Variants in PTGS1 observed in about 807,000 individuals in gnomAD.
PTGS1 encodes the protein prostaglandin G/H synthase 1.
Under a neutral mutation model 63.0 loss-of-function variants are expected in PTGS1, and 40 were observed. The ratio of observed to expected loss-of-function variants is 0.63; its 90% CI spans 0.49 to 0.83. PTGS1 has a LOEUF of 0.83. PTGS1 is among the 40% of genes least tolerant of loss of function. The pLI is 0.00. For missense variants in PTGS1, 709 were observed against 786.5 expected, an observed-to-expected ratio of 0.90 and a Z score of 1.18; for synonymous variants, 298 against 301.9, an observed-to-expected ratio of 0.99 and a Z score of 0.13.
intron 5 of PTGS1, 86 bp from the exon 6 acceptor site, chr9:122,381,285 G>A (rs765560604): frequency 1.9e-5 from 27 of 1,443,784 alleles, no homozygotes; most frequent in Non-Finnish European, 2.2e-5. Context: ...TCCTGCTTGG[G>A]CCAGTTTGCC....
chr9:122,387,998 T>C (rs113403088), intron 9 of PTGS1, among the ~76,000 whole-genome samples: 148 of 152,390 alleles, frequency 9.7e-4, no homozygotes, highest in African/African-American at 3.4e-3. Flanking sequence ...GGGCAGCTGC[T>C]GGCTGCTTTA....
In PTGS1 at chr9:122,381,256, G is replaced by A. The variant is rs1027158897; in HGVS notation, c.497-115G>A. The A allele has an allele frequency of 3.7e-6, 4 of 1,084,148 alleles. No individual in the cohort carries two copies. The African/African-American group carries it at 6.4e-5, about 17-fold the overall frequency. 67.2% of individuals were successfully genotyped at this position (1,084,148 alleles called of 1,614,324 possible). On this transcript the variant is annotated intron_variant, in intron 5 of 10. Coordinates refer to ENST00000362012, the MANE Select transcript of PTGS1 (RefSeq NM_000962.4). ...TTGGTGGTGGTGGGGAGGTGGTCCT[G>A]AGGAGGCCACTCTGGGCTTCCTGCT...
intron 10 of PTGS1, among the ~76,000 whole-genome samples, chr9:122,391,457 A>C (rs1554722140): frequency 3.6e-5 from 5 of 138,410 alleles, no homozygotes; most frequent in Admixed American, 7.8e-5. Context: ...TTCCCCCAAT[A>C]TCCTCAGATG....
chr9:122,381,711 A>C lies in PTGS1; in HGVS notation c.726A>C (p.Gln242His). ...GAGACAATCTGGAGCGTCAGTATCA[A>C]CTGCGGCTCTTTAAGGATGGGAAAC... The part of the protein sequence containing the change: ...IYGDNLERQY[Q>H]LRLFKDGKLK... Residue 242 changes from glutamine (Q) to histidine (H), a missense_variant, in exon 7 of 11, where the codon CAA (glutamine) becomes CAC (histidine). By Grantham distance (24) the Gln-to-His change is conservative. Coordinates refer to ENST00000362012, the MANE Select transcript of PTGS1 (RefSeq NM_000962.4). 1 of 1,614,190 alleles carries C rather than the reference A, an allele frequency of 6.2e-7. No homozygotes were observed. Among genetic ancestry groups the C allele is most frequent in the Non-Finnish European group, 8.5e-7 (1 of 1,180,036 alleles).
At chr9:122,371,448 G>A (rs1836804814) in intron 2 of PTGS1, among the ~76,000 whole-genome samples, 176 bp downstream of exon 2, 1 of 152,258 alleles carries the variant, frequency 6.6e-6, no homozygotes, top group Non-Finnish European at 1.5e-5. Flanking sequence ...CCCCGGCGGT[G>A]TGGCCTTGGC....
Position 122,375,357 on chromosome 9 carries a change from T to C in PTGS1, c.95-2542T>C, listed in dbSNP as rs1316954039. 5 of 985,410 alleles carry C rather than the reference T, an allele frequency of 5.1e-6. No individual in the cohort carries two copies. In the African/African-American group the frequency reaches 8.7e-5, roughly 17 times the overall value. The allele number at this position is 985,410 out of a possible 1,614,324, so 61.0% of individuals were successfully genotyped here. A position where few individuals can be genotyped will look rare whatever the true frequency, so the allele number is the denominator to read the frequency against. On this transcript the variant is annotated intron_variant, in intron 2 of 10. Coordinates refer to ENST00000362012, the MANE Select transcript of PTGS1 (RefSeq NM_000962.4). The stretch of plus-strand genomic sequence containing the variant: ...TCTTCTGCCTGCCGAGGCAGAGCTC[T>C]AGGGCCATGGCGGGAGGCCTTCCGG...
In PTGS1 at chr9:122,383,511, G is replaced by A. The variant is rs200917438; in HGVS notation, c.765G>A (p.Val255=). 1.4e-5 allele frequency: 23 copies of A among 1,604,734 alleles called. No individual in the cohort carries two copies. The African/African-American group carries it at 3.1e-4, about 21-fold the overall frequency. Residue 255 remains valine (V), a splice_region_variant and synonymous_variant, in exon 8 of 11, where the codon GTG becomes GTA. Coordinates refer to ENST00000362012, the MANE Select transcript of PTGS1 (RefSeq NM_000962.4). ...LFKDGKLKYQ[V]LDGEMYPPSV... ...TGCCAGGTGGCCCCATCCCACAGGT[G>A]CTGGATGGAGAAATGTACCCGCCCT...
rs547071367 is a variant in PTGS1 at position 122,393,899 on chromosome 9, C to T, written c.*1355C>T. 1 of 152,288 alleles carries T rather than the reference C, an allele frequency of 6.6e-6. No individual in the cohort carries two copies. Among genetic ancestry groups the T allele is most frequent in the Admixed American group, 6.5e-5 (1 of 15,298 alleles). 9.4% of individuals were successfully genotyped at this position (152,288 alleles called of 1,614,324 possible). ...TGATATTCAGGCTACTCATTCAGTC[C>T]CAAATATGTATTTTCCTAAGTGTTT... On this transcript the variant is annotated 3_prime_UTR_variant, in exon 11 of 11. Coordinates refer to ENST00000362012, the MANE Select transcript of PTGS1 (RefSeq NM_000962.4).
In PTGS1 at chr9:122,394,766, A is replaced by G. The variant is rs1171397383; in HGVS notation, c.*2222A>G. The G allele has an allele frequency of 6.6e-6, 1 of 152,024 alleles. No homozygotes were observed. The highest frequency in any genetic ancestry group is 2.4e-5 in the African/African-American group (1 of 41,358). The allele number at this position is 152,024 out of a possible 1,614,324, so 9.4% of individuals were successfully genotyped here. ...ACTCATCCCCACAGCTGGCTCTGAC[A>G]AGATGGTCCATTTGTTCCTGCTTCC... On this transcript the variant is annotated 3_prime_UTR_variant, in exon 11 of 11. Coordinates refer to ENST00000362012, the MANE Select transcript of PTGS1 (RefSeq NM_000962.4).
chr9:122,386,837 T>C, intron 9 of PTGS1, 105 bp downstream of exon 9: 1 of 1,346,796 alleles, frequency 7.4e-7, no homozygotes, highest in Non-Finnish European at 1.0e-6. Flanking sequence ...TGATGTCACT[T>C]CTACAGGGCA....
rs1838359871 is a variant in PTGS1, at chr9:122,392,594, C to T, written c.*50C>T. 1.9e-6 allele frequency: 3 copies of T among 1,546,612 alleles called. No individual in the cohort carries two copies. The highest frequency in any genetic ancestry group is 2.6e-6 in the Non-Finnish European group (3 of 1,132,452). The stretch of plus-strand genomic sequence containing the variant: ...GGGGAGAGCTTTGTGCTTGTCATTC[C>T]AGAGTGCTGAGGCCAGGGCTGATGG... On this transcript the variant is annotated 3_prime_UTR_variant, in exon 11 of 11. Coordinates refer to ENST00000362012, the MANE Select transcript of PTGS1 (RefSeq NM_000962.4).
rs777417388 is a variant in PTGS1, at chr9:122,390,356, G to C, written c.1444+11G>C. On this transcript the variant is annotated intron_variant, in intron 10 of 10. Transcript: ENST00000362012. Reference sequence around the variant, plus strand: ...TCCAGGAGCTCGTAGGTGAGCAGCTGTTTCCTGGATGCAGTCCCTGCCCTT... The same window carrying C: ...TCCAGGAGCTCGTAGGTGAGCAGCTCTTTCCTGGATGCAGTCCCTGCCCTT... The C allele has an allele frequency of 9.3e-6, 15 of 1,613,518 alleles. No homozygotes were observed. The East Asian group carries it at 3.3e-4, about 36-fold the overall frequency.
intron 2 of PTGS1, 39 bp from the exon 3 acceptor site, chr9:122,377,860 A>C: frequency 6.3e-7 from 1 of 1,580,010 alleles, no homozygotes; most frequent in Non-Finnish European, 8.7e-7. Context: ...TCAGGAGGCC[A>C]CCCTAGCATG....
rs374665506 is a variant in PTGS1, at chr9:122,392,367, G to A, written c.1623G>A (p.Pro541=). ...KGLLGNPICS[P]EYWKPSTFGG... ...TCCTAGGGAATCCCATCTGTTCTCC[G>A]GAGTACTGGAAGCCGAGCACATTTG... The change falls in exon 11 of 11, where the codon CCG becomes CCA. Residue 541 remains proline (P), a synonymous_variant. Transcript: ENST00000362012. 1.5e-5 allele frequency: 24 copies of A among 1,614,022 alleles called. No homozygotes were observed. Among genetic ancestry groups the A allele is most frequent in the African/African-American group, 4.0e-5 (3 of 74,908 alleles).
chr9:122,377,440 C>T (rs571973656), intron 2 of PTGS1, among the ~76,000 whole-genome samples: 28 of 152,206 alleles, frequency 1.8e-4, no homozygotes, highest in African/African-American at 3.4e-4. Flanking sequence ...GAGAAGTCCC[C>T]GTCCTCGTCC....
At chr9:122,388,585 AAAGT>A (rs1838019712) in intron 9 of PTGS1, among the ~76,000 whole-genome samples, 1 of 152,194 alleles carries the variant, frequency 6.6e-6, no homozygotes, top group African/African-American at 2.4e-5. Context: ...CTGCTGCAAC[AAAGT>A]ACCACAAACT....
chr9:122,378,061 T>G, intron 3 of PTGS1, 46 bp downstream of exon 3: 1 of 1,544,052 alleles, frequency 6.5e-7, no homozygotes, highest in Non-Finnish European at 8.9e-7. Flanking sequence ...TGAGCCCTTC[T>G]GCTCCCCGGG....
chr9:122,371,739 G>C, intron 2 of PTGS1: 1 of 1,524,006 alleles, frequency 6.6e-7, no homozygotes, highest in African/African-American at 1.4e-5. Context: ...TGAAGACTTC[G>C]GGAGAACATG....
chr9:122,373,139 C>A (rs925346167), intron 2 of PTGS1, among the ~76,000 whole-genome samples: 22 of 152,106 alleles, frequency 1.4e-4, no homozygotes, highest in African/African-American at 5.1e-4. Context: ...CTAAGAGACT[C>A]GACCAGGAAA....
Sources: allele counts gnomAD v4.1 joint callset (sites outside exome capture counted in the v4.1 genomes callset), GRCh38; gene constraint gnomAD v4.1.1; transcripts MANE v1.5; gene names NCBI Gene and HGNC (gene_info 2026-07-23, HGNC 2026-07-21).